Variants in PITPNB observed in about 807,000 individuals in gnomAD.
PITPNB encodes the protein phosphatidylinositol transfer protein beta.
In PITPNB, 16 loss-of-function variants were observed where a neutral mutation model predicts 45.9. The ratio of observed to expected loss-of-function variants is 0.35; its 90% CI spans 0.24 to 0.53. The LOEUF (loss-of-function observed/expected upper bound fraction) is 0.53, where lower values mean the gene tolerates loss of function less well. PITPNB is among the 20% of genes least tolerant of loss of function. PITPNB has a pLI of 0.93. For missense variants in PITPNB, 188 were observed against 330.5 expected, an observed-to-expected ratio of 0.57 and a Z score of 3.34; for synonymous variants, 112 against 108.9, an observed-to-expected ratio of 1.03 and a Z score of -0.18.
chr22:27,909,864 C>G (rs1261465049), intron 3 of PITPNB, among the ~76,000 whole-genome samples: 2 of 152,030 alleles, frequency 1.3e-5, no homozygotes, highest in Admixed American at 1.3e-4. Context: ...ACTGCAACCT[C>G]TAACTCCTGG....
chr22:27,891,680 T>C (rs1199157223), intron 7 of PITPNB, among the ~76,000 whole-genome samples: 1 of 152,142 alleles, frequency 6.6e-6, no homozygotes, highest in East Asian at 1.9e-4. Flanking sequence ...TCCTCCTTCC[T>C]CCTCCTCTCT....
At chr22:27,860,470 AG>A (rs375949420) in intron 8 of PITPNB, 1 of 406,552 alleles carries the variant, frequency 2.5e-6, no homozygotes, top group East Asian at 4.1e-5. Flanking sequence ...AAAGTTTAAT[AG>A]GTATGTTGCT....
chr22:27,900,457 CTATCT>C (rs1447294766), intron 3 of PITPNB, among the ~76,000 whole-genome samples: 1 of 152,126 alleles, frequency 6.6e-6, no homozygotes, highest in Non-Finnish European at 1.5e-5. Flanking sequence ...CAAATGCCTA[CTATCT>C]TATTTCTAAG....
intron 7 of PITPNB, among the ~76,000 whole-genome samples, chr22:27,876,063 C>G (rs1361089273): frequency 6.6e-6 from 1 of 152,116 alleles, no homozygotes; most frequent in South Asian, 2.1e-4. Flanking sequence ...AAAGACCACC[C>G]AAGCTCCTTC....
chr22:27,854,766 C>T, intron 11 of PITPNB, 88 bp downstream of exon 11: 1 of 643,178 alleles, frequency 1.6e-6, no homozygotes, highest in Non-Finnish European at 2.7e-6. Flanking sequence ...CCACATTTAA[C>T]ACTTAGAGCT....
Position 27,919,250 on chromosome 22 carries a change from C to G in PITPNB, c.-59G>C. ...CCACCGCCGCCGCCGCCGCTACCGC[C>G]TCTCACAGCGCCTGCGCGGCCCCGC... On this transcript the variant is annotated 5_prime_UTR_variant, in exon 1 of 12. Coordinates refer to ENST00000335272, the MANE Select transcript of PITPNB (RefSeq NM_012399.5). The G allele has an allele frequency of 2.0e-6, 3 of 1,486,994 alleles. No homozygotes were observed. The highest frequency in any genetic ancestry group is 2.8e-6 in the Non-Finnish European group (3 of 1,066,890). The allele number at this position is 1,486,994 out of a possible 1,614,324, so 92.1% of individuals were successfully genotyped here.
At position 27,896,535 on chromosome 22, in the gene PITPNB, G is replaced by A. The variant is rs375738751; in HGVS notation, c.372+17C>T. On this transcript the variant is annotated intron_variant, in intron 6 of 11. Coordinates refer to ENST00000335272, the MANE Select transcript of PITPNB (RefSeq NM_012399.5). ...TTCCAGGGACTTTTGTACTAAAAGT[G>A]CAGAGTTGAAACTTACATTTTCTAA... 22 of 1,556,314 alleles carry A rather than the reference G, an allele frequency of 1.4e-5. No homozygotes were observed. The highest frequency in any genetic ancestry group is 1.9e-5 in the Non-Finnish European group (21 of 1,127,412).
At chr22:27,897,164 T>C (rs1308847443) in intron 4 of PITPNB, 27 bp from the exon 5 acceptor site, 1 of 1,533,598 alleles carries the variant, frequency 6.5e-7, no homozygotes, top group Non-Finnish European at 9.0e-7. Context: ...AGGTAGGTAA[T>C]GAAAGGAGAA....
intron 11 of PITPNB, 43 bp downstream of exon 11, chr22:27,854,811 G>C: frequency 8.2e-7 from 1 of 1,215,794 alleles, no homozygotes; most frequent in East Asian, 2.4e-5. Context: ...TCACCAAAAA[G>C]GTACAGGTTT....
At chr22:27,918,100 C>T (rs1936137926) in intron 1 of PITPNB, among the ~76,000 whole-genome samples, 1 of 151,990 alleles carries the variant, frequency 6.6e-6, no homozygotes, top group African/African-American at 2.4e-5. Flanking sequence ...TAAATGAGAT[C>T]AGGGCAGGAA....
rs149387185 is a variant in PITPNB, at chr22:27,891,587, G to A, written c.456+2968C>T. Among the ~76,000 whole-genome samples, 183 of 152,248 alleles carry A rather than the reference G, an allele frequency of 1.2e-3. 2 individuals carry two copies. Among genetic ancestry groups the A allele is most frequent in the African/African-American group, 4.2e-3 (176 of 41,548 alleles). ...CTGTGATCCCCATGTGTCAAGGAAG[G>A]GAGGTGACTGGACCATGGGGGCAGC... On this transcript the variant is annotated intron_variant, in intron 7 of 11. Transcript: ENST00000335272.
rs796836007 is a variant in PITPNB at position 27,856,912 on chromosome 22, T to G, written c.768+1475A>C. On this transcript the variant is annotated intron_variant, in intron 10 of 11. Transcript: ENST00000335272. ...AGGGTAGCGAGGGCCAGGGGGGTGC[T>G]TGTTAGAGTCAGAGAAAGGCACCTG... is the stretch of plus-strand genomic sequence containing the variant. Among the ~76,000 whole-genome samples, 1,080 of 152,174 alleles carry G rather than the reference T, an allele frequency of 7.1e-3. 7 individuals are homozygous for G. Among genetic ancestry groups the G allele is most frequent in the African/African-American group, 0.024 (980 of 41,506 alleles).
intron 7 of PITPNB, among the ~76,000 whole-genome samples, chr22:27,884,253 GA>G (rs1935054181): frequency 6.6e-6 from 1 of 152,116 alleles, no homozygotes; most frequent in Admixed American, 6.5e-5. Flanking sequence ...AAAGGTACCA[GA>G]AAAAAGGATG....
intron 2 of PITPNB, among the ~76,000 whole-genome samples, chr22:27,913,662 G>T (rs1326561099): frequency 2.6e-5 from 4 of 152,174 alleles, no homozygotes. Flanking sequence ...TTTCAGTTCA[G>T]ATCAACAATT....
chr22:27,854,856 A>ATTGTCTCT lies in PITPNB; in HGVS notation c.*35_*36insAGAGACAA. ...TTTTTACCCAGGTCTTCACTTACAC[A>ATTGTCTCT]GTTTGACATTGTCTCTGACCCTACA... On this transcript the variant is annotated 3_prime_UTR_variant, in exon 11 of 12. Coordinates refer to ENST00000335272, the MANE Select transcript of PITPNB (RefSeq NM_012399.5). 13 of 1,601,646 alleles carry ATTGTCTCT rather than the reference A, an allele frequency of 8.1e-6. No homozygotes were observed. In the South Asian group the frequency reaches 1.4e-4, roughly 18 times the overall value.
At chr22:27,863,689 A>C (rs939832064) in intron 8 of PITPNB, among the ~76,000 whole-genome samples, 3 of 152,244 alleles carry the variant, frequency 2.0e-5, no homozygotes, top group Admixed American at 6.5e-5. Flanking sequence ...ATTCTCCAGC[A>C]ATTTTATAAA....
intron 8 of PITPNB, among the ~76,000 whole-genome samples, chr22:27,864,911 C>A (rs1934440556): frequency 6.7e-6 from 1 of 149,236 alleles, no homozygotes; most frequent in Non-Finnish European, 1.5e-5. Context: ...GCACTCCAGC[C>A]TGGGCAACAA....
chr22:27,894,437 T>C (rs910456912), intron 7 of PITPNB, 118 bp downstream of exon 7: 13 of 630,796 alleles, frequency 2.1e-5, no homozygotes, highest in African/African-American at 2.0e-4. Context: ...GGCATAGAAA[T>C]GTAGGCCATA....
In PITPNB at chr22:27,884,573, G is replaced by A. The variant is rs151205744; in HGVS notation, c.456+9982C>T. Among the ~76,000 whole-genome samples, 91 of 152,298 alleles carry A rather than the reference G, an allele frequency of 6.0e-4. No homozygotes were observed. The East Asian group carries it at 0.015, about 25-fold the overall frequency. ...TTTCAAGAACATCATCCTTGGTGAT[G>A]CTGAAAAGCCATGGTCTTGGCACTG... is the stretch of plus-strand genomic sequence containing the variant. On this transcript the variant is annotated intron_variant, in intron 7 of 11. Coordinates refer to ENST00000335272, the MANE Select transcript of PITPNB (RefSeq NM_012399.5).
Sources: allele counts gnomAD v4.1 joint callset (sites outside exome capture counted in the v4.1 genomes callset), GRCh38; gene constraint gnomAD v4.1.1; transcripts MANE v1.5; gene names NCBI Gene and HGNC (gene_info 2026-07-23, HGNC 2026-07-21).